The following TMEM132D variants were observed in gnomAD, a reference collection of about 807,000 sequenced individuals.
The protein encoded by TMEM132D is mature OL transmembrane protein.
In TMEM132D, 21 loss-of-function variants were observed where a neutral mutation model predicts 62.3. The ratio of observed to expected loss-of-function variants is 0.34; its 90% CI spans 0.24 to 0.49. The LOEUF (loss-of-function observed/expected upper bound fraction) is 0.49, where lower values mean the gene tolerates loss of function less well. TMEM132D is among the 20% of genes least tolerant of loss of function. The pLI is 0.99. For missense variants in TMEM132D, 1,346 were observed against 1,402.8 expected (o/e 0.96, Z 0.65); for synonymous variants, 621 against 575.6 (o/e 1.08, Z -1.13).
At chr12:129,619,060 C>G (rs955473976) in intron 2 of TMEM132D, among the ~76,000 whole-genome samples, 1 of 152,110 alleles carries the variant, frequency 6.6e-6, no homozygotes, top group Non-Finnish European at 1.5e-5. Context: ...GCAGGTGAAG[C>G]CTCCAAATAG....
chr12:129,239,658 G>T (rs972162206), intron 4 of TMEM132D, among the ~76,000 whole-genome samples: 15 of 152,182 alleles, frequency 9.9e-5, no homozygotes, highest in African/African-American at 3.1e-4. Context: ...TGATCACAGA[G>T]GCAGAGATGG....
At chr12:129,252,377 G>C (rs1162758148) in intron 4 of TMEM132D, among the ~76,000 whole-genome samples, 1 of 152,134 alleles carries the variant, frequency 6.6e-6, no homozygotes, top group Non-Finnish European at 1.5e-5. Context: ...TAATAAAAGA[G>C]AGAAGATGAG....
chr12:129,376,377 A>C (rs572108870), intron 3 of TMEM132D, among the ~76,000 whole-genome samples: 2 of 152,220 alleles, frequency 1.3e-5, no homozygotes, highest in African/African-American at 4.8e-5. Context: ...AAGGAGAAGT[A>C]GAATGAGTAA....
intron 3 of TMEM132D, among the ~76,000 whole-genome samples, chr12:129,444,522 G>A (rs905151525): frequency 2.0e-5 from 3 of 152,116 alleles, no homozygotes; most frequent in East Asian, 1.9e-4. Context: ...GTAGGTAAAT[G>A]TGTGCCATGG....
intron 3 of TMEM132D, among the ~76,000 whole-genome samples, chr12:129,486,342 G>A (rs140964895): frequency 6.6e-5 from 10 of 152,122 alleles, no homozygotes; most frequent in African/African-American, 2.4e-4. Flanking sequence ...ACTTGTCTCA[G>A]GTCTTTCTTC....
intron 2 of TMEM132D, among the ~76,000 whole-genome samples, chr12:129,606,951 C>A (rs11060461): frequency 0.16 from 24,499 of 152,090 alleles, 2,427 homozygotes; most frequent in East Asian, 0.44. Context: ...GGATTTCCAA[C>A]GAACATTTAT....
chr12:129,770,012 G>T (rs373880224), intron 1 of TMEM132D, among the ~76,000 whole-genome samples: 8 of 151,918 alleles, frequency 5.3e-5, no homozygotes, highest in East Asian at 1.9e-4. Flanking sequence ...GGAGATGGGG[G>T]TCTTGATTTG....
At chr12:129,551,316 C>A (rs950716132) in intron 2 of TMEM132D, among the ~76,000 whole-genome samples, 2 of 152,222 alleles carry the variant, frequency 1.3e-5, no homozygotes, top group Admixed American at 6.5e-5. Context: ...AAAAGTGGAA[C>A]AACAGTGTTC....
chr12:129,171,228 C>A (rs1451496220), intron 5 of TMEM132D, among the ~76,000 whole-genome samples: 3 of 152,190 alleles, frequency 2.0e-5, no homozygotes, highest in Non-Finnish European at 4.4e-5. Context: ...CTTTGCTCAT[C>A]CATAAAAAGC....
intron 1 of TMEM132D, among the ~76,000 whole-genome samples, chr12:129,806,617 A>G (rs1298572378): frequency 1.5e-4 from 23 of 151,298 alleles, no homozygotes; most frequent in Admixed American, 1.5e-3. Context: ...TGGGTGCAGC[A>G]CACCAGCATG....
chr12:129,645,284 C>G (rs1879745295), intron 2 of TMEM132D, among the ~76,000 whole-genome samples: 1 of 152,158 alleles, frequency 6.6e-6, no homozygotes, highest in African/African-American at 2.4e-5. Context: ...TTTCCTTTCT[C>G]TCTCTCTTAA....
At chr12:129,890,052 T>A (rs761817110) in intron 1 of TMEM132D, among the ~76,000 whole-genome samples, 1 of 152,176 alleles carries the variant, frequency 6.6e-6, no homozygotes, top group Non-Finnish European at 1.5e-5. Context: ...TCAACTTTAA[T>A]AAGATGAGTA....
intron 3 of TMEM132D, among the ~76,000 whole-genome samples, chr12:129,381,710 C>CT (rs1870959579): frequency 6.6e-6 from 1 of 151,666 alleles, no homozygotes; most frequent in African/African-American, 2.4e-5. Flanking sequence ...CTTTCTCTTT[C>CT]TTTTTTTCTG....
intron 2 of TMEM132D, among the ~76,000 whole-genome samples, chr12:129,547,691 G>C (rs1025232755): frequency 1.1e-4 from 16 of 152,162 alleles, no homozygotes; most frequent in African/African-American, 3.6e-4. Flanking sequence ...TGAGTAAATT[G>C]CTTAAACCTG....
At chr12:129,879,571 G>C (rs1368501878) in intron 1 of TMEM132D, among the ~76,000 whole-genome samples, 2 of 152,200 alleles carry the variant, frequency 1.3e-5, no homozygotes, top group Non-Finnish European at 2.9e-5. Context: ...GACTCCAGGT[G>C]CCATGCCAGG....
intron 4 of TMEM132D, among the ~76,000 whole-genome samples, chr12:129,244,663 C>A (rs1290990620): frequency 6.6e-6 from 1 of 151,716 alleles, no homozygotes; most frequent in Non-Finnish European, 1.5e-5. Flanking sequence ...GTTTTTGAGA[C>A]AGAGTCTTGC....
intron 5 of TMEM132D, among the ~76,000 whole-genome samples, chr12:129,178,184 G>A (rs1593286714): frequency 1.3e-5 from 2 of 152,122 alleles, no homozygotes; most frequent in South Asian, 4.2e-4. Flanking sequence ...TTGGACATTT[G>A]GGTTGATTCC....
At chr12:129,255,170 T>C (rs1225195977) in intron 4 of TMEM132D, among the ~76,000 whole-genome samples, 3 of 151,948 alleles carry the variant, frequency 2.0e-5, no homozygotes, top group Non-Finnish European at 4.4e-5. Context: ...TTTCCTGGGG[T>C]CTCCCCAGAA....
chr12:129,801,558 C>A (rs1871785368), intron 1 of TMEM132D, among the ~76,000 whole-genome samples: 1 of 150,658 alleles, frequency 6.6e-6, no homozygotes, highest in African/African-American at 2.4e-5. Flanking sequence ...CATCAAAGAC[C>A]AAAAGTAGAT....
Sources: allele counts gnomAD v4.1 joint callset (sites outside exome capture counted in the v4.1 genomes callset), GRCh38; gene constraint gnomAD v4.1.1; transcripts MANE v1.5; gene names NCBI Gene and HGNC (gene_info 2026-07-23, HGNC 2026-07-21).